The following PRR5L variants were observed in gnomAD, a reference collection of about 807,000 sequenced individuals.
PRR5L encodes proline-rich protein 5-like.
A neutral mutation model predicts 36.4 loss-of-function variants in PRR5L; 21 were observed. That is an observed-to-expected ratio of 0.58 (90% CI 0.41 to 0.83). PRR5L has a LOEUF of 0.83. Among genes scored for constraint, PRR5L ranks in the 40% least tolerant of loss-of-function variants. The pLI is 0.00. For synonymous variants in PRR5L, 188 were observed against 197.0 expected (o/e 0.95, Z 0.38); for missense variants, 381 against 473.3 (o/e 0.80, Z 1.81).
chr11:36,389,523 T>A (rs900209020), intron 1 of PRR5L, among the ~76,000 whole-genome samples: 1 of 151,950 alleles, frequency 6.6e-6, no homozygotes, highest in African/African-American at 2.4e-5. Flanking sequence ...CATACGCAGG[T>A]CATCCAGCTA....
intron 1 of PRR5L, among the ~76,000 whole-genome samples, chr11:36,397,883 C>T (rs890383052): frequency 2.0e-5 from 3 of 152,056 alleles, no homozygotes; most frequent in Admixed American, 2.0e-4. Flanking sequence ...GCAACCTCTG[C>T]CTCTCAGGTT....
At chr11:36,365,082 T>TAA (rs1434659986) in intron 1 of PRR5L, among the ~76,000 whole-genome samples, 1 of 152,220 alleles carries the variant, frequency 6.6e-6, no homozygotes, top group East Asian at 1.9e-4. Context: ...GTAAACTCAG[T>TAA]AAATAATGGC....
intron 8 of PRR5L, among the ~76,000 whole-genome samples, chr11:36,453,082 T>A (rs12281048): frequency 0.012 from 1,845 of 152,312 alleles, 40 homozygotes; most frequent in African/African-American, 0.043. Flanking sequence ...AAGGGCTGGT[T>A]AGTGAGGCTT....
chr11:36,307,178 A>G (rs1046787068), intron 1 of PRR5L, among the ~76,000 whole-genome samples: 17 of 152,168 alleles, frequency 1.1e-4, no homozygotes, highest in Admixed American at 3.3e-4. Flanking sequence ...TAATAAAATC[A>G]TGCTGTGAGA....
intron 1 of PRR5L, among the ~76,000 whole-genome samples, chr11:36,338,970 C>T (rs564011395): frequency 3.3e-5 from 5 of 152,334 alleles, no homozygotes; most frequent in Non-Finnish European, 5.9e-5. Context: ...CTCATGAGAT[C>T]TGATGGGTTT....
intron 3 of PRR5L, among the ~76,000 whole-genome samples, chr11:36,404,873 C>G (rs1299732186): frequency 6.6e-6 from 1 of 152,144 alleles, no homozygotes; most frequent in African/African-American, 2.4e-5. Flanking sequence ...AAGGAGGAAA[C>G]TGAGGCCCCA....
chr11:36,369,499 A>G (rs1303424975), intron 1 of PRR5L, among the ~76,000 whole-genome samples: 4 of 152,148 alleles, frequency 2.6e-5, no homozygotes, highest in African/African-American at 9.7e-5. Flanking sequence ...TTCCTGGAAA[A>G]GGCGGTATGG....
At chr11:36,429,742 G>T (rs1858454487) in intron 4 of PRR5L, among the ~76,000 whole-genome samples, 1 of 152,202 alleles carries the variant, frequency 6.6e-6, no homozygotes, top group Admixed American at 6.5e-5. Context: ...AACCTCACCT[G>T]GACTAGGTGA....
chr11:36,348,378 T>C (rs1260308327), intron 1 of PRR5L, among the ~76,000 whole-genome samples: 1 of 152,112 alleles, frequency 6.6e-6, no homozygotes, highest in Non-Finnish European at 1.5e-5. Flanking sequence ...AAATGAAGGA[T>C]GTAAATCGAA....
chr11:36,416,515 A>G (rs922233196), intron 3 of PRR5L, among the ~76,000 whole-genome samples: 1 of 152,182 alleles, frequency 6.6e-6, no homozygotes, highest in Non-Finnish European at 1.5e-5. Context: ...GGTTATCACT[A>G]TCAGCATGGC....
At chr11:36,354,780 T>C (rs554358438) in intron 1 of PRR5L, among the ~76,000 whole-genome samples, 2 of 152,254 alleles carry the variant, frequency 1.3e-5, no homozygotes, top group South Asian at 4.1e-4. Flanking sequence ...ATTATGATGG[T>C]GCAGAACAAA....
At chr11:36,422,417 C>A (rs1307187492) in intron 4 of PRR5L, among the ~76,000 whole-genome samples, 1 of 152,138 alleles carries the variant, frequency 6.6e-6, no homozygotes, top group South Asian at 2.1e-4. Flanking sequence ...AAACCATGGA[C>A]CTGGCTGTTG....
At chr11:36,334,066 A>T (rs749849870) in intron 1 of PRR5L, among the ~76,000 whole-genome samples, 18 of 152,172 alleles carry the variant, frequency 1.2e-4, no homozygotes, top group Non-Finnish European at 2.5e-4. Context: ...AGGAAGGGCC[A>T]AAGAAAACGA....
At chr11:36,360,309 A>G (rs1857073712) in intron 1 of PRR5L, among the ~76,000 whole-genome samples, 1 of 152,180 alleles carries the variant, frequency 6.6e-6, no homozygotes, top group African/African-American at 2.4e-5. Context: ...TGTGCTAACC[A>G]TCAGTTGCTA....
chr11:36,320,553 C>T (rs1185894485), intron 1 of PRR5L, among the ~76,000 whole-genome samples: 1 of 152,178 alleles, frequency 6.6e-6, no homozygotes, highest in East Asian at 1.9e-4. Flanking sequence ...TAATTACTAG[C>T]TAGCTGTGGG....
At chr11:36,419,887 G>A (rs1479952974) in intron 4 of PRR5L, among the ~76,000 whole-genome samples, 4 of 152,200 alleles carry the variant, frequency 2.6e-5, no homozygotes, top group Admixed American at 6.5e-5. Flanking sequence ...TGACCATGGG[G>A]ATCCCTTGAA....
Position 36,406,513 on chromosome 11 carries a change from T to C in PRR5L, c.245+3135T>C, listed in dbSNP as rs559566056. Among the ~76,000 whole-genome samples the C allele has an allele frequency of 2.0e-5, 3 of 152,326 alleles. No homozygotes were observed. The East Asian group carries it at 5.8e-4, about 29-fold the overall frequency. On this transcript the variant is annotated intron_variant, in intron 3 of 8. Coordinates refer to ENST00000530639, the MANE Select transcript of PRR5L (RefSeq NM_001160167.2). ...CAGGCATTGACGTGACCTGGATGTC[T>C]CAAGTTGAATGAAGCTAGCCCTCCC...
intron 8 of PRR5L, among the ~76,000 whole-genome samples, chr11:36,461,580 A>G (rs895452829): frequency 2.6e-5 from 4 of 151,900 alleles, no homozygotes; most frequent in Admixed American, 6.6e-5. Flanking sequence ...CTGAGATCAC[A>G]CCACTGCACT....
intron 6 of PRR5L, among the ~76,000 whole-genome samples, 159 bp from the exon 7 acceptor site, chr11:36,446,141 G>A (rs1369977108): frequency 1.3e-5 from 2 of 152,160 alleles, no homozygotes; most frequent in Non-Finnish European, 2.9e-5. Context: ...AATTCTAGAG[G>A]AGCCAGGTCT....
Sources: allele counts gnomAD v4.1 joint callset (sites outside exome capture counted in the v4.1 genomes callset), GRCh38; gene constraint gnomAD v4.1.1; transcripts MANE v1.5; gene names NCBI Gene and HGNC (gene_info 2026-07-23, HGNC 2026-07-21).